Variants in CCDC141 observed in about 807,000 individuals in gnomAD.
CCDC141 encodes the protein coiled-coil domain containing 141, also known as coiled-coil domain-containing protein 141.
CCDC141 carries 168 observed loss-of-function variants against 181.0 expected under a neutral mutation model. The observed-to-expected ratio is 0.93, with a 90% CI of 0.82 to 1.05. CCDC141 has a LOEUF of 1.05. Ranked by LOEUF, CCDC141 falls within the 50% of genes least tolerant of loss-of-function variation. The pLI is 0.00. For synonymous variants in CCDC141, 666 were observed against 642.3 expected, an observed-to-expected ratio of 1.04 and a Z score of -0.56; for missense variants, 1,902 against 1,788.5, an observed-to-expected ratio of 1.06 and a Z score of -1.14.
At chr2:179,047,055 G>T (rs764372904) in intron 2 of CCDC141, among the ~76,000 whole-genome samples, 4 of 152,092 alleles carry the variant, frequency 2.6e-5, no homozygotes, top group Non-Finnish European at 5.9e-5. Context: ...TCTCCACAGT[G>T]AAAATATTAT....
chr2:178,818,249 C>A, the CCDC141 span, among the ~76,000 whole-genome samples: 2 of 152,106 alleles, frequency 1.3e-5, no homozygotes, highest in Admixed American at 6.6e-5. Flanking sequence ...AAAGTAAAAA[C>A]AAAAACAAAA....
In CCDC141 at chr2:178,871,408, C is replaced by A; in HGVS notation, c.2205+19G>T. 1 of 1,604,146 alleles carries A rather than the reference C, an allele frequency of 6.2e-7. No individual in the cohort carries two copies. The highest frequency in any genetic ancestry group is 8.5e-7 in the Non-Finnish European group (1 of 1,175,838). ...AGTATTTTTTCCATTCACCCAAATC[C>A]AGCAATATATTTCTTCACCTGGAAC... On this transcript the variant is annotated intron_variant, in intron 14 of 23. Coordinates refer to ENST00000443758, the MANE Select transcript of CCDC141 (RefSeq NM_173648.4).
intron 7 of CCDC141, among the ~76,000 whole-genome samples, chr2:178,916,925 CTCT>C (rs531049104): frequency 5.4e-4 from 82 of 151,744 alleles, no homozygotes; most frequent in South Asian, 4.4e-3. Flanking sequence ...AGTAACCACT[CTCT>C]TCTTCTTCTT....
chr2:179,044,757 G>A (rs560412735), intron 2 of CCDC141, among the ~76,000 whole-genome samples: 23 of 152,294 alleles, frequency 1.5e-4, no homozygotes, highest in South Asian at 1.5e-3. Context: ...TCATGAGAAC[G>A]CAAACTTCTG....
At chr2:178,901,733 C>A (rs1323630118) in intron 8 of CCDC141, among the ~76,000 whole-genome samples, 2 of 151,408 alleles carry the variant, frequency 1.3e-5, no homozygotes, top group South Asian at 2.1e-4. Context: ...TCCTATTCAA[C>A]ATAGTGTTGG....
intron 8 of CCDC141, among the ~76,000 whole-genome samples, chr2:178,896,702 G>A (rs150883391): frequency 1.3e-5 from 2 of 152,266 alleles, no homozygotes; most frequent in Non-Finnish European, 2.9e-5. Flanking sequence ...GAGTAGTTCA[G>A]ATCAGCTTTC....
intron 10 of CCDC141, among the ~76,000 whole-genome samples, chr2:178,886,110 G>A (rs1686871029): frequency 6.6e-6 from 1 of 152,170 alleles, no homozygotes; most frequent in African/African-American, 2.4e-5. Flanking sequence ...CCATGAAGGA[G>A]GCTCTTCTGC....
chr2:178,942,940 G>A (rs74541823), intron 6 of CCDC141, among the ~76,000 whole-genome samples: 10,930 of 152,122 alleles, frequency 0.072, 465 homozygotes, highest in East Asian at 0.19. Flanking sequence ...TGAAATATGA[G>A]CTATAAACTA....
intron 2 of CCDC141, among the ~76,000 whole-genome samples, chr2:178,983,534 T>G (rs1347589525): frequency 6.8e-6 from 1 of 147,568 alleles, no homozygotes; most frequent in Non-Finnish European, 1.5e-5. Context: ...GGGAGGACAT[T>G]CAAACCAAAG....
intron 2 of CCDC141, among the ~76,000 whole-genome samples, chr2:178,997,637 C>T (rs770657322): frequency 1.2e-4 from 18 of 152,072 alleles, no homozygotes; most frequent in Non-Finnish European, 2.2e-4. Context: ...AAGGATTGTC[C>T]CACCAAATAG....
At chr2:179,015,115 A>ATACATATATATAT (rs1170733701) in intron 2 of CCDC141, among the ~76,000 whole-genome samples, 1 of 24,992 alleles carries the variant, frequency 4.0e-5, no homozygotes, top group Non-Finnish European at 1.3e-4. Context: ...ATATATATAT[A>ATACATATATATAT]ATCATATATA....
At chr2:178,945,150 A>G (rs939064336) in intron 5 of CCDC141, among the ~76,000 whole-genome samples, 4 of 152,186 alleles carry the variant, frequency 2.6e-5, no homozygotes, top group Non-Finnish European at 5.9e-5. Context: ...AGAGGTTATT[A>G]ACATTTACAT....
intron 11 of CCDC141, among the ~76,000 whole-genome samples, chr2:178,884,169 C>A (rs1686760015): frequency 6.8e-6 from 1 of 146,038 alleles, no homozygotes; most frequent in Non-Finnish European, 1.5e-5. Flanking sequence ...TCCACATGCA[C>A]AAATTTGTAT....
intron 2 of CCDC141, among the ~76,000 whole-genome samples, chr2:178,996,083 AT>A (rs1692274925): frequency 7.2e-6 from 1 of 139,628 alleles, no homozygotes; most frequent in Admixed American, 8.0e-5. Flanking sequence ...AAATTTTAAA[AT>A]TCTTTTTTTT....
chr2:178,976,931 G>A (rs1050154564), intron 3 of CCDC141, among the ~76,000 whole-genome samples: 1 of 151,968 alleles, frequency 6.6e-6, no homozygotes, highest in African/African-American at 2.4e-5. Context: ...AAACCAATAA[G>A]CAAACAATGC....
intron 2 of CCDC141, among the ~76,000 whole-genome samples, chr2:179,039,337 T>C (rs1204221355): frequency 6.6e-6 from 1 of 152,160 alleles, no homozygotes; most frequent in African/African-American, 2.4e-5. Flanking sequence ...TTTGAGATAA[T>C]TTTCAGTGGA....
intron 2 of CCDC141, among the ~76,000 whole-genome samples, chr2:179,004,994 A>T (rs2042083714): frequency 6.6e-6 from 1 of 152,180 alleles, no homozygotes; most frequent in Non-Finnish European, 1.5e-5. Context: ...GGCCTCCCAA[A>T]GTGCTGGGAT....
At chr2:178,890,341 G>T (rs1033080266) in intron 8 of CCDC141, among the ~76,000 whole-genome samples, 1 of 152,038 alleles carries the variant, frequency 6.6e-6, no homozygotes, top group Non-Finnish European at 1.5e-5. Flanking sequence ...TCCAGTTAGG[G>T]GCTATTTTAC....
intron 2 of CCDC141, among the ~76,000 whole-genome samples, chr2:178,981,650 A>ATGTATATATG: frequency 7.9e-6 from 1 of 127,318 alleles, no homozygotes; most frequent in Non-Finnish European, 1.6e-5. Flanking sequence ...ATATATATAT[A>ATGTATATATG]TATATATACA....
Sources: allele counts gnomAD v4.1 joint callset (sites outside exome capture counted in the v4.1 genomes callset), GRCh38; gene constraint gnomAD v4.1.1; transcripts MANE v1.5; gene names NCBI Gene and HGNC (gene_info 2026-07-23, HGNC 2026-07-21).